The following SETX variants were observed in gnomAD, a reference collection of about 807,000 sequenced individuals.
SETX encodes the protein helicase senataxin.
In SETX, 90 loss-of-function variants were observed where a neutral mutation model predicts 227.2. The observed-to-expected ratio is 0.40, with a 90% CI of 0.33 to 0.47. The LOEUF (loss-of-function observed/expected upper bound fraction) is 0.47, where lower values mean the gene tolerates loss of function less well. Ranked by LOEUF, SETX falls within the 20% of genes least tolerant of loss-of-function variation. The pLI, the probability that SETX is intolerant of heterozygous loss-of-function variation, is 0.91. For synonymous variants in SETX, 1,210 were observed against 1,113.2 expected (o/e 1.09, Z -1.73); for missense variants, 3,052 against 3,181.5 (o/e 0.96, Z 0.98).
intron 18 of SETX, 33 bp from the exon 19 acceptor site, chr9:132,283,446 T>A: frequency 6.2e-7 from 1 of 1,613,700 alleles, no homozygotes; most frequent in South Asian, 1.1e-5. Flanking sequence ...AATATTCAGC[T>A]GTACATCAAT....
chr9:132,280,205 C>A (rs1257564162), intron 20 of SETX, among the ~76,000 whole-genome samples: 1 of 152,060 alleles, frequency 6.6e-6, no homozygotes, highest in African/African-American at 2.4e-5. Context: ...AAAAAAGGCA[C>A]CTTATGGAAA....
intron 24 of SETX, among the ~76,000 whole-genome samples, chr9:132,271,145 C>T (rs906648849): frequency 1.3e-5 from 2 of 152,170 alleles, no homozygotes; most frequent in Non-Finnish European, 2.9e-5. Context: ...CAGGAAAACA[C>T]AGAAAACAAT....
chr9:132,334,671 C>T lies in SETX; in HGVS notation c.775G>A (p.Gly259Ser). Residue 259 changes from glycine (G) to serine (S), a missense_variant, in exon 7 of 26, where the codon GGC becomes AGC. This residue lies in a region of SETX where 239 missense variants were observed against 240.8 expected (regional missense o/e 0.99). Coordinates refer to ENST00000224140, the MANE Select transcript of SETX (RefSeq NM_015046.7). The part of the protein sequence containing the change: ...EEQAMDSLLL[G>S]SDKQNDFMQS... ...ATAAAATCATTTTGTTTGTCTGAGC[C>T]CAACAACAGGGAATCCATGGCTTGT... 1.2e-6 allele frequency: 2 copies of T among 1,613,968 alleles called. No homozygotes were observed. The highest frequency in any genetic ancestry group is 2.7e-5 in the African/African-American group (2 of 75,000).
At chr9:132,333,058 T>C (rs996169877) in intron 7 of SETX, among the ~76,000 whole-genome samples, 1 of 151,336 alleles carries the variant, frequency 6.6e-6, no homozygotes, top group East Asian at 1.9e-4. Flanking sequence ...AAAAGAGTAA[T>C]AGCCTCAGAC....
At chr9:132,270,120 G>A (rs376458136) in intron 24 of SETX, among the ~76,000 whole-genome samples, 3 of 72,532 alleles carry the variant, frequency 4.1e-5, no homozygotes, top group African/African-American at 6.4e-5. Flanking sequence ...CAGCGTGCCC[G>A]TGTGAGACAC....
At chr9:132,316,764 C>G (rs1845993710) in intron 10 of SETX, among the ~76,000 whole-genome samples, 9 of 152,194 alleles carry the variant, frequency 5.9e-5, no homozygotes, top group Admixed American at 5.9e-4. Flanking sequence ...GCCAAAGGGT[C>G]TCCCACTGTT....
chr9:132,295,430 C>T (rs1844611945), intron 15 of SETX, among the ~76,000 whole-genome samples: 1 of 152,220 alleles, frequency 6.6e-6, no homozygotes, highest in Non-Finnish European at 1.5e-5. Context: ...ACCTCAAGAA[C>T]CATCTGAGGC....
intron 3 of SETX, among the ~76,000 whole-genome samples, chr9:132,348,958 C>G (rs1848460633): frequency 6.6e-6 from 1 of 152,008 alleles, no homozygotes; most frequent in South Asian, 2.1e-4. Flanking sequence ...ACTATGAAAA[C>G]CCATGTGGCC....
chr9:132,278,738 C>CA (rs909439975), intron 20 of SETX, among the ~76,000 whole-genome samples: 2 of 151,912 alleles, frequency 1.3e-5, no homozygotes, highest in Non-Finnish European at 2.9e-5. Flanking sequence ...AGACGCCACC[C>CA]AAAAAAACCA....
At chr9:132,342,840 C>A in intron 4 of SETX, 41 bp from the exon 5 acceptor site, 1 of 1,408,054 alleles carries the variant, frequency 7.1e-7, no homozygotes, top group Non-Finnish European at 1.0e-6. Context: ...AATCTTATCA[C>A]CTTATCAAGA....
intron 5 of SETX, among the ~76,000 whole-genome samples, chr9:132,340,495 T>C (rs1194259822): frequency 1.3e-5 from 2 of 152,262 alleles, no homozygotes; most frequent in Non-Finnish European, 2.9e-5. Flanking sequence ...GACTGGCTTA[T>C]GCCCAATCAA....
rs1039085361 is a variant in SETX at position 132,270,685 on chromosome 9, TC to T, written c.7200-984del. On this transcript the variant is annotated intron_variant, in intron 24 of 25. Transcript: ENST00000224140. ...AGTGCAATCTTGAAGCCTTGAAAAA[TC>T]CTAAAAATGTGGTACCAGCCTAATC... is the stretch of plus-strand genomic sequence containing the variant. Among the ~76,000 whole-genome samples the T allele has an allele frequency of 7.9e-5, 12 of 152,304 alleles. No individual in the cohort carries two copies. In the South Asian group the frequency reaches 1.2e-3, roughly 16 times the overall value.
intron 23 of SETX, among the ~76,000 whole-genome samples, chr9:132,272,603 G>A (rs964505654): frequency 4.6e-5 from 7 of 152,012 alleles, no homozygotes; most frequent in African/African-American, 1.2e-4. Context: ...CACCATGCTC[G>A]GCTGCTAAGA....
Position 132,296,956 on chromosome 9 carries a change from C to CA in SETX, c.5879dup (p.Leu1960PhefsTer55). ...TTCCTGTTCCAGGTGGTCCATGAAT[C>CA]AAGCAGATTTTGGCAACTGATGGTG... On this transcript the variant is annotated frameshift_variant, in exon 14 of 26. Transcript: ENST00000224140. LOFTEE classifies it high-confidence loss of function. The CA allele has an allele frequency of 6.2e-7, 1 of 1,614,114 alleles. No individual in the cohort carries two copies. The highest frequency in any genetic ancestry group is 8.5e-7 in the Non-Finnish European group (1 of 1,180,022).
chr9:132,292,124 G>A (rs1844356439), intron 15 of SETX, among the ~76,000 whole-genome samples: 1 of 152,042 alleles, frequency 6.6e-6, no homozygotes, highest in Non-Finnish European at 1.5e-5. Flanking sequence ...TGTGTCACAT[G>A]TGCATTTAGG....
intron 2 of SETX, among the ~76,000 whole-genome samples, chr9:132,351,215 G>A (rs1342576938): frequency 6.6e-6 from 1 of 152,122 alleles, no homozygotes; most frequent in South Asian, 2.1e-4. Context: ...AGAACAGAAA[G>A]TGAAACTTCA....
chr9:132,321,059 T>C (rs7028521), intron 10 of SETX, among the ~76,000 whole-genome samples: 84 of 152,006 alleles, frequency 5.5e-4, no homozygotes, highest in Admixed American at 8.5e-4. Flanking sequence ...GAGGATGAGA[T>C]AGTAGTAAAT....
At position 132,329,661 on chromosome 9, in the gene SETX, G is replaced by A. The variant is rs754348681; in HGVS notation, c.1937C>T (p.Ser646Phe). Residue 646 changes from serine (S) to phenylalanine (F), a missense_variant, in exon 10 of 26, where the codon TCT becomes TTT. By Grantham distance (155) the Ser-to-Phe change is radical. Coordinates refer to ENST00000224140, the MANE Select transcript of SETX (RefSeq NM_015046.7). ...GTCTTGCACTTTCATTGGTTCTTTA[G>A]AAAATGTTGGGCTGGAAGCTTCCAA... Reference protein sequence around the residue: ...HCLEASSPTFSKEPMKVQDSV... With the variant: ...HCLEASSPTFFKEPMKVQDSV... 1.1e-5 allele frequency: 18 copies of A among 1,613,606 alleles called. No individual in the cohort carries two copies. The African/African-American group carries it at 2.1e-4, about 19-fold the overall frequency.
intron 21 of SETX, 35 bp from the exon 22 acceptor site, chr9:132,277,187 A>G (rs758457525): frequency 2.6e-5 from 42 of 1,586,812 alleles, no homozygotes; most frequent in Admixed American, 8.4e-5. Flanking sequence ...CATTCAGAAT[A>G]AAGTCAAGAT....
Sources: gnomAD v4.1 joint callset for allele counts (sites outside exome capture counted in the v4.1 genomes callset) on GRCh38, gnomAD v4.1.1 for gene constraint, gnomAD v4.1.1 regional missense constraint, MANE v1.5 for transcripts, NCBI Gene and HGNC (gene_info 2026-07-23, HGNC 2026-07-21) for gene names.